The following ERRFI1 variants were observed in gnomAD, a reference collection of about 807,000 sequenced individuals.
ERRFI1 encodes the protein mitogen-inducible gene 6 protein.
In ERRFI1, 12 loss-of-function variants were observed where a neutral mutation model predicts 14.6. The observed-to-expected ratio is 0.82, with a 90% CI of 0.53 to 1.33. The LOEUF (loss-of-function observed/expected upper bound fraction) is 1.33. Among genes scored for constraint, ERRFI1 ranks in the 40% most tolerant of loss-of-function variants. ERRFI1 has a pLI of 0.00. For synonymous variants in ERRFI1, 202 were observed against 209.9 expected (o/e 0.96, Z 0.32); for missense variants, 482 against 572.1 (o/e 0.84, Z 1.61).
chr1:8,014,336 T>A lies in ERRFI1; in HGVS notation c.263A>T (p.Gln88Leu), dbSNP rs1244605635. 1 of 1,610,904 alleles carries A rather than the reference T, an allele frequency of 6.2e-7. No individual in the cohort carries two copies. Among genetic ancestry groups the A allele is most frequent in the Non-Finnish European group, 8.5e-7 (1 of 1,178,316 alleles). ...GHCFAENGPS[Q>L]KSSLPPLLIP... is the part of the protein sequence containing the mutation. ...AAGAAGAGGGGGCAAGCTGGACTTT[T>A]GAGATGGACCATTTTCTGCAAAGCA... is the stretch of plus-strand genomic sequence containing the variant. The change falls in exon 4 of 4, where the codon CAA (glutamine) becomes CTA (leucine). Residue 88 changes from glutamine (Q) to leucine (L), a missense_variant. By Grantham distance (113) the Gln-to-Leu change is moderately radical (BLOSUM62 -2). Transcript: ENST00000377482.
In ERRFI1 at chr1:8,011,855, G is replaced by A. The variant is rs1422594126; in HGVS notation, c.*1355C>T. ...AAATCAGTGCATTTTTCTTAAGCATGTTTTAACCTTCATTTAGTTCATACT... is the reference window on the plus strand; with the variant it reads ...AAATCAGTGCATTTTTCTTAAGCATATTTTAACCTTCATTTAGTTCATACT... On this transcript the variant is annotated 3_prime_UTR_variant, in exon 4 of 4. Coordinates refer to ENST00000377482, the MANE Select transcript of ERRFI1 (RefSeq NM_018948.4). 9.1e-6 allele frequency: 2 copies of A among 220,532 alleles called. No individual in the cohort carries two copies. Among genetic ancestry groups the A allele is most frequent in the African/African-American group, 4.5e-5 (2 of 44,660 alleles). 13.7% of individuals were successfully genotyped at this position (220,532 alleles called of 1,614,324 possible). A position where few individuals can be genotyped will look rare whatever the true frequency, so the allele number is the denominator to read the frequency against.
At chr1:8,015,134 A>T in intron 3 of ERRFI1, 174 bp downstream of exon 3, 1 of 610,750 alleles carries the variant, frequency 1.6e-6, no homozygotes. Flanking sequence ...AGTCGAGTAC[A>T]ATAGCTTGAG....
rs1569605948 is a variant in ERRFI1, at chr1:8,026,094, G to A, written c.-74+64C>T. The A allele has an allele frequency of 2.0e-5, 3 of 151,736 alleles. 1 individual carries two copies. The allele number at this position is 151,736 out of a possible 1,614,324, so 9.4% of individuals were successfully genotyped here. A position where few individuals can be genotyped will look rare whatever the true frequency, so the allele number is the denominator to read the frequency against. On this transcript the variant is annotated intron_variant, in intron 1 of 3. Transcript: ENST00000377482. ...CCTGGATCCCGGCGCCCGGCGCGGG[G>A]CCCCCTGAGGGAACGGAGCGCTGCG...
In ERRFI1 at chr1:8,012,057, T is replaced by C. The variant is rs1641092403; in HGVS notation, c.*1153A>G. On this transcript the variant is annotated 3_prime_UTR_variant, in exon 4 of 4. Transcript: ENST00000377482. ...AGGATGTGAAAATCGGAACACCAAC[T>C]ATGTGTCTCACTGCATCTAAGTGAA... 1 of 230,356 alleles carries C rather than the reference T, an allele frequency of 4.3e-6. No individual in the cohort carries two copies. Among genetic ancestry groups the C allele is most frequent in the African/African-American group, 2.2e-5 (1 of 45,172 alleles). 14.3% of individuals were successfully genotyped at this position (230,356 alleles called of 1,614,324 possible).
chr1:8,023,151 G>GT lies in ERRFI1; in HGVS notation c.-74+3006dup, dbSNP rs1253754174. On this transcript the variant is annotated intron_variant, in intron 1 of 3. Coordinates refer to ENST00000377482, the MANE Select transcript of ERRFI1 (RefSeq NM_018948.4). ...CGAATAGTTGTTTAAAAAACAATCTGTAACTAGTCCAGTTTCACATCTGGG... is the reference window on the plus strand; with the variant it reads ...CGAATAGTTGTTTAAAAAACAATCTGTTAACTAGTCCAGTTTCACATCTGGG... Among the ~76,000 whole-genome samples the GT allele has an allele frequency of 2.0e-5, 3 of 152,230 alleles. No homozygotes were observed. In the South Asian group the frequency reaches 6.2e-4, roughly 31 times the overall value.
chr1:8,018,821 C>T (rs1431198477), intron 1 of ERRFI1, among the ~76,000 whole-genome samples: 2 of 152,072 alleles, frequency 1.3e-5, no homozygotes, highest in East Asian at 3.9e-4. Context: ...TTTATTAATC[C>T]ACTTGTATAG....
At chr1:8,016,581 T>G (rs1243911950) in intron 1 of ERRFI1, among the ~76,000 whole-genome samples, 2 of 152,240 alleles carry the variant, frequency 1.3e-5, no homozygotes, top group African/African-American at 4.8e-5. Flanking sequence ...GGAGTCCCTA[T>G]AGCCCCCTTT....
chr1:8,018,388 C>G lies in ERRFI1; in HGVS notation c.-73-2696G>C, dbSNP rs1288824211. Among the ~76,000 whole-genome samples the G allele has an allele frequency of 8.2e-4, 51 of 62,374 alleles. 1 individual carries two copies. Among genetic ancestry groups the G allele is most frequent in the African/African-American group, 2.2e-3 (30 of 13,950 alleles). The allele number at this position is 62,374 out of a possible 152,430, so 40.9% of individuals were successfully genotyped here. A position where few individuals can be genotyped will look rare whatever the true frequency, so the allele number is the denominator to read the frequency against. On this transcript the variant is annotated intron_variant, in intron 1 of 3. Transcript: ENST00000377482. Reference sequence around the variant, plus strand: ...AAGCGGGGGGCGGGGGGGGGGGGGGCGCGGAGTAAATAAATCCATTTTACC... The same window carrying G: ...AAGCGGGGGGCGGGGGGGGGGGGGGGGCGGAGTAAATAAATCCATTTTACC...
intron 1 of ERRFI1, among the ~76,000 whole-genome samples, chr1:8,018,886 A>G (rs747336151): frequency 2.6e-5 from 4 of 152,150 alleles, no homozygotes; most frequent in Non-Finnish European, 4.4e-5. Flanking sequence ...TCAAGCTTCA[A>G]CTTTGCATTT....
chr1:8,019,073 T>G (rs114538507), intron 1 of ERRFI1, among the ~76,000 whole-genome samples: 1 of 152,296 alleles, frequency 6.6e-6, no homozygotes, highest in Non-Finnish European at 1.5e-5. Context: ...TACATTCAAT[T>G]GCCAAGTTCC....
chr1:8,018,373 C>G (rs199956933), intron 1 of ERRFI1, among the ~76,000 whole-genome samples: 229 of 47,960 alleles, frequency 4.8e-3, no homozygotes, highest in Middle Eastern at 0.02. Flanking sequence ...AAGCGGGGGG[C>G]GGGGGGGGGG....
At chr1:8,020,468 A>G (rs1392183959) in intron 1 of ERRFI1, among the ~76,000 whole-genome samples, 1 of 152,160 alleles carries the variant, frequency 6.6e-6, no homozygotes, top group Non-Finnish European at 1.5e-5. Flanking sequence ...CAAATATACC[A>G]ATCTCTGCAT....
Position 8,013,659 on chromosome 1 carries a change from C to G in ERRFI1, c.940G>C (p.Asp314His). 1 of 1,614,102 alleles carries G rather than the reference C, an allele frequency of 6.2e-7. No individual in the cohort carries two copies. The highest frequency in any genetic ancestry group is 8.5e-7 in the Non-Finnish European group (1 of 1,180,038). The change falls in exon 4 of 4, where the codon GAC becomes CAC. Residue 314 changes from aspartate to histidine, a missense_variant. Coordinates refer to ENST00000377482, the MANE Select transcript of ERRFI1 (RefSeq NM_018948.4). This position sits in a 1 kb window ranked among gnomAD's most constrained non-coding sequence, Gnocchi z 4.3. Reference sequence around the variant, plus strand: ...CTTGGCGGTACTTTGGGAGGCCTGTCTTCATCACTATAGGTGCTCGAAGTA... The same window carrying G: ...CTTGGCGGTACTTTGGGAGGCCTGTGTTCATCACTATAGGTGCTCGAAGTA... ...EVTSSTYSDE[D>H]RPPKVPPREP...
intron 1 of ERRFI1, among the ~76,000 whole-genome samples, chr1:8,022,898 C>T (rs2124077241): frequency 6.6e-6 from 1 of 152,226 alleles, no homozygotes; most frequent in Non-Finnish European, 1.5e-5. Flanking sequence ...AAGAAGCCTT[C>T]CATCTAATGA....
intron 1 of ERRFI1, among the ~76,000 whole-genome samples, chr1:8,025,609 G>T (rs929731643): frequency 6.6e-6 from 1 of 152,168 alleles, no homozygotes; most frequent in Non-Finnish European, 1.5e-5. Flanking sequence ...TTTCAAGACA[G>T]GATTTACGGG....
At position 8,015,414 on chromosome 1, in the gene ERRFI1, A is replaced by C. The variant is rs369117984; in HGVS notation, c.126-30T>G. ...AAGGAGAGGAAGCTACTTTGGTCAT[A>C]AGCGAAGAGCAATCACAGCCTCTCC... On this transcript the variant is annotated intron_variant, in intron 2 of 3. Coordinates refer to ENST00000377482, the MANE Select transcript of ERRFI1 (RefSeq NM_018948.4). 4 of 1,614,116 alleles carry C rather than the reference A, an allele frequency of 2.5e-6. No individual in the cohort carries two copies. In the African/African-American group the frequency reaches 5.3e-5, roughly 22 times the overall value.
In ERRFI1 at chr1:8,013,466, C is replaced by T. The variant is rs1641118554; in HGVS notation, c.1133G>A (p.Cys378Tyr). Residue 378 changes from cysteine (C) to tyrosine (Y), a missense_variant, in exon 4 of 4, where the codon TGC becomes TAC. By Grantham distance (194) the Cys-to-Tyr change is radical. Coordinates refer to ENST00000377482, the MANE Select transcript of ERRFI1 (RefSeq NM_018948.4). This position sits in a 1 kb window ranked among gnomAD's most constrained non-coding sequence, Gnocchi z 4.3. ...NSEGSASKVP[C>Y]ILPIIENGKK... is the part of the protein sequence containing the mutation. ...CCCATTTTCAATAATGGGCAGAATG[C>T]AAGGAACCTTACTGGCAGATCCTTC... The T allele has an allele frequency of 1.2e-6, 2 of 1,614,072 alleles. No homozygotes were observed. The highest frequency in any genetic ancestry group is 1.3e-5 in the African/African-American group (1 of 74,924).
chr1:8,014,473 A>C, intron 3 of ERRFI1, 77 bp from the exon 4 acceptor site: 1 of 1,368,350 alleles, frequency 7.3e-7, no homozygotes, highest in Non-Finnish European at 9.9e-7. Context: ...CACCCCAGCT[A>C]CCTATGCTTC....
intron 1 of ERRFI1, among the ~76,000 whole-genome samples, chr1:8,025,937 G>C (rs1164568672): frequency 6.6e-6 from 1 of 151,836 alleles, no homozygotes; most frequent in African/African-American, 2.4e-5. Flanking sequence ...GCCGGGGAGG[G>C]TCCCGCTCTC....
Sources: gnomAD v4.1 joint callset for allele counts (sites outside exome capture counted in the v4.1 genomes callset) on GRCh38, gnomAD v4.1.1 for gene constraint, Gnocchi (gnomAD v3.1) non-coding constraint, MANE v1.5 for transcripts, NCBI Gene and HGNC (gene_info 2026-07-23, HGNC 2026-07-21) for gene names.